ABRACL: variants seen among roughly 807,000 people sequenced by gnomAD.
ABRACL encodes the protein ABRA C-terminal like.
ABRACL carries 4 observed loss-of-function variants against 7.0 expected under a neutral mutation model. That is an observed-to-expected ratio of 0.57 (90% CI 0.28 to 1.30). The LOEUF is 1.30. Ranked by LOEUF, ABRACL falls within the 50% of genes most tolerant of loss-of-function variation. The pLI, the probability that ABRACL is intolerant of heterozygous loss-of-function variation, is 0.10. For synonymous variants in ABRACL, 30 were observed against 36.0 expected, an observed-to-expected ratio of 0.83 and a Z score of 0.60; for missense variants, 104 against 97.3, an observed-to-expected ratio of 1.07 and a Z score of -0.29.
At chr6:139,035,544 G>A (rs1489484354) in intron 2 of ABRACL, among the ~76,000 whole-genome samples, 12 of 151,836 alleles carry the variant, frequency 7.9e-5, no homozygotes, top group Admixed American at 7.9e-4. Flanking sequence ...GTGCAGTGGT[G>A]CAATCTCAGC....
At chr6:139,042,517 G>A (rs1786267658) in intron 2 of ABRACL, among the ~76,000 whole-genome samples, 1 of 152,168 alleles carries the variant, frequency 6.6e-6, no homozygotes, top group Admixed American at 6.5e-5. Flanking sequence ...ATAATCCTAA[G>A]GCCAAGAGGC....
intron 1 of ABRACL, among the ~76,000 whole-genome samples, chr6:139,030,679 G>A (rs1257308182): frequency 6.6e-6 from 1 of 152,204 alleles, no homozygotes; most frequent in African/African-American, 2.4e-5. Flanking sequence ...TAAGAGCTCA[G>A]CATGTCACGT....
chr6:139,041,056 G>A (rs1200942571), intron 2 of ABRACL, among the ~76,000 whole-genome samples: 1 of 152,176 alleles, frequency 6.6e-6, no homozygotes, highest in South Asian at 2.1e-4. Context: ...ATGACTAGTA[G>A]ATGGCAGAGA....
chr6:139,035,430 C>A (rs1383924896), intron 2 of ABRACL, among the ~76,000 whole-genome samples: 2 of 152,028 alleles, frequency 1.3e-5, no homozygotes, highest in African/African-American at 4.8e-5. Context: ...GTCTTCAAAG[C>A]GAGCAAGAGC....
At chr6:139,033,193 T>G (rs1257126003) in intron 1 of ABRACL, among the ~76,000 whole-genome samples, 1 of 152,142 alleles carries the variant, frequency 6.6e-6, no homozygotes, top group African/African-American at 2.4e-5. Context: ...GATTAAAAAG[T>G]CCCACATGGC....
At chr6:139,037,477 T>C (rs1786178802) in intron 2 of ABRACL, among the ~76,000 whole-genome samples, 1 of 152,112 alleles carries the variant, frequency 6.6e-6, no homozygotes, top group Non-Finnish European at 1.5e-5. Context: ...GCCAGGCTGG[T>C]CTCGAACTTC....
intron 2 of ABRACL, among the ~76,000 whole-genome samples, chr6:139,037,391 G>A (rs1402302904): frequency 6.6e-6 from 1 of 152,128 alleles, no homozygotes; most frequent in African/African-American, 2.4e-5. Flanking sequence ...CTCCCTGGTA[G>A]CTGGTATTAC....
intron 2 of ABRACL, chr6:139,034,625 T>A (rs1786128238): frequency 2.4e-6 from 1 of 425,392 alleles, no homozygotes; most frequent in African/African-American, 2.0e-5. Flanking sequence ...ATCTAAAATA[T>A]CATCATTTTA....
intron 2 of ABRACL, among the ~76,000 whole-genome samples, chr6:139,039,811 C>T (rs1439781514): frequency 6.6e-6 from 1 of 152,022 alleles, no homozygotes; most frequent in East Asian, 1.9e-4. Context: ...TCATAGGGAG[C>T]CATTGAAATA....
chr6:139,042,602 A>G (rs1162731668), intron 2 of ABRACL, 117 bp from the exon 3 acceptor site: 5 of 993,208 alleles, frequency 5.0e-6, no homozygotes, highest in Non-Finnish European at 7.4e-6. Flanking sequence ...GTTAAGTGTT[A>G]AATTGCAACC....
rs144355709 is a variant in ABRACL, at chr6:139,041,529, A to ATTTTTT, written c.62-1189_62-1188insTTTTTT. Among the ~76,000 whole-genome samples the ATTTTTT allele has an allele frequency of 1.6e-3, 139 of 85,614 alleles. 7 individuals are homozygous for ATTTTTT. The highest frequency in any genetic ancestry group is 4.0e-3 in the African/African-American group (67 of 16,604). 56.2% of individuals were successfully genotyped at this position (85,614 alleles called of 152,430 possible). A position where few individuals can be genotyped will look rare whatever the true frequency, so the allele number is the denominator to read the frequency against. ...TGTGTGTGTGTATATATATATATAT[A>ATTTTTT]TATTTTTTTTTAGGAGAGACATGGT... On this transcript the variant is annotated intron_variant, in intron 2 of 2. Coordinates refer to ENST00000367660, the MANE Select transcript of ABRACL (RefSeq NM_021243.3).
intron 2 of ABRACL, among the ~76,000 whole-genome samples, chr6:139,037,568 A>G (rs944103018): frequency 6.6e-6 from 1 of 151,782 alleles, no homozygotes; most frequent in African/African-American, 2.4e-5. Flanking sequence ...GCCATAATGT[A>G]TTTAGTTTCC....
At chr6:139,039,087 C>T (rs1164584914) in intron 2 of ABRACL, among the ~76,000 whole-genome samples, 3 of 151,806 alleles carry the variant, frequency 2.0e-5, no homozygotes, top group Admixed American at 6.6e-5. Context: ...AGCTGGGCCT[C>T]GTGGCGGGTG....
At chr6:139,039,230 GA>G (rs56029994) in intron 2 of ABRACL, among the ~76,000 whole-genome samples, 2 of 149,022 alleles carry the variant, frequency 1.3e-5, no homozygotes, top group South Asian at 2.1e-4. Context: ...CATCTCAAAA[GA>G]AAAAAAAAAT....
chr6:139,041,513 G>GTGTATA (rs1221821725), intron 2 of ABRACL, among the ~76,000 whole-genome samples: 9 of 43,094 alleles, frequency 2.1e-4, no homozygotes, highest in Admixed American at 3.3e-4. Context: ...GTGTGTGTGT[G>GTGTATA]TATATATATA....
chr6:139,034,837 C>G (rs770697817), intron 2 of ABRACL, among the ~76,000 whole-genome samples: 45 of 152,258 alleles, frequency 3.0e-4, no homozygotes, highest in Non-Finnish European at 2.9e-4. Context: ...TAGTGACATG[C>G]AAAATTGGTA....
rs1786277596 is a variant in ABRACL at position 139,043,043 on chromosome 6, CTG to C, written c.*142_*143del. 1.6e-6 allele frequency: 1 copy of C among 644,492 alleles called. No individual in the cohort carries two copies. Among genetic ancestry groups the C allele is most frequent in the Non-Finnish European group, 2.4e-6 (1 of 419,904 alleles). The allele number at this position is 644,492 out of a possible 1,614,324, so 39.9% of individuals were successfully genotyped here. ...GAAAGGAGATTCATGTTTTAGAAGT[CTG>C]TCCTTTTTTATATCTTGAAAGAAAA... On this transcript the variant is annotated 3_prime_UTR_variant, in exon 3 of 3. Transcript: ENST00000367660.
intron 1 of ABRACL, among the ~76,000 whole-genome samples, chr6:139,031,995 C>T (rs1304596197): frequency 6.7e-6 from 1 of 149,950 alleles, no homozygotes; most frequent in East Asian, 1.9e-4. Flanking sequence ...GAGTCTCGCT[C>T]TGTCGCCCAG....
Position 139,043,064 on chromosome 6 carries a change from A to G in ABRACL, c.*161A>G. On this transcript the variant is annotated 3_prime_UTR_variant, in exon 3 of 3. Coordinates refer to ENST00000367660, the MANE Select transcript of ABRACL (RefSeq NM_021243.3). ...AAGTCTGTCCTTTTTTATATCTTGA[A>G]AGAAAATCTATGTATGATGCTATAA... 1.9e-6 allele frequency: 1 copy of G among 527,452 alleles called. No individual in the cohort carries two copies. Among genetic ancestry groups the G allele is most frequent in the Non-Finnish European group, 3.1e-6 (1 of 323,094 alleles). 32.7% of individuals were successfully genotyped at this position (527,452 alleles called of 1,614,324 possible). A position where few individuals can be genotyped will look rare whatever the true frequency, so the allele number is the denominator to read the frequency against.
Sources: gnomAD v4.1 joint callset for allele counts (sites outside exome capture counted in the v4.1 genomes callset) on GRCh38, gnomAD v4.1.1 for gene constraint, MANE v1.5 for transcripts, NCBI Gene and HGNC (gene_info 2026-07-23, HGNC 2026-07-21) for gene names.